The following CAMTA1 variants were observed in gnomAD, a reference collection of about 807,000 sequenced individuals.
CAMTA1 encodes the protein calmodulin-binding transcription activator 1.
In CAMTA1, 27 loss-of-function variants were observed where a neutral mutation model predicts 170.9. The observed-to-expected ratio is 0.16, with a 90% CI of 0.12 to 0.22. The LOEUF (loss-of-function observed/expected upper bound fraction) is 0.22, where lower values mean the gene tolerates loss of function less well. Ranked by LOEUF, CAMTA1 falls within the 10% of genes least tolerant of loss-of-function variation. The probability of loss-of-function intolerance (pLI) is 1.00; values close to 1 mark genes in which losing one functional copy is unlikely to be tolerated. For missense variants in CAMTA1, 1,619 were observed against 2,217.2 expected, an observed-to-expected ratio of 0.73 and a Z score of 5.42; for synonymous variants, 833 against 891.5, an observed-to-expected ratio of 0.93 and a Z score of 1.17.
At chr1:7,319,072 G>A (rs1418399953) in intron 5 of CAMTA1, among the ~76,000 whole-genome samples, 1 of 152,186 alleles carries the variant, frequency 6.6e-6, no homozygotes, top group African/African-American at 2.4e-5. Context: ...TGCCTTCATG[G>A]AGTCCTCAGT....
At chr1:7,353,710 C>T (rs1004920274) in intron 5 of CAMTA1, among the ~76,000 whole-genome samples, 25 of 152,166 alleles carry the variant, frequency 1.6e-4, no homozygotes, top group Non-Finnish European at 2.8e-4. Context: ...AGGTGTGAGC[C>T]ACCGTGCTGG....
intron 3 of CAMTA1, among the ~76,000 whole-genome samples, chr1:7,082,013 T>TTTC (rs1309149125): frequency 6.6e-6 from 1 of 152,210 alleles, no homozygotes; most frequent in Non-Finnish European, 1.5e-5. Flanking sequence ...TTGAAAACAT[T>TTTC]CAGCTTTGTT....
chr1:7,188,520 A>G (rs574102996), intron 4 of CAMTA1, among the ~76,000 whole-genome samples: 1 of 152,232 alleles, frequency 6.6e-6, no homozygotes, highest in Admixed American at 6.5e-5. Flanking sequence ...GTCTGTATGG[A>G]TTTGACTACT....
chr1:7,493,283 G>A lies in CAMTA1; in HGVS notation c.510+25382G>A, dbSNP rs1477641138. Among the ~76,000 whole-genome samples, 8 of 85,944 alleles carry A rather than the reference G, an allele frequency of 9.3e-5. No individual in the cohort carries two copies. In the South Asian group the frequency reaches 1.2e-3, roughly 13 times the overall value. 56.4% of individuals were successfully genotyped at this position (85,944 alleles called of 152,430 possible). On this transcript the variant is annotated intron_variant, in intron 6 of 22. Coordinates refer to ENST00000303635, the MANE Select transcript of CAMTA1 (RefSeq NM_015215.4). ...CGTACACACGCACACAAACATACACGCGCACAAACACAAACATACAAATGC... is the reference window on the plus strand; with the variant it reads ...CGTACACACGCACACAAACATACACACGCACAAACACAAACATACAAATGC...
chr1:7,206,401 A>G (rs1005411064), intron 4 of CAMTA1, among the ~76,000 whole-genome samples: 2 of 152,184 alleles, frequency 1.3e-5, no homozygotes, highest in Non-Finnish European at 2.9e-5. Flanking sequence ...ATTTATTCCT[A>G]AATAGTTTAT....
chr1:7,540,972 A>T (rs887580054), intron 6 of CAMTA1, among the ~76,000 whole-genome samples: 1 of 152,160 alleles, frequency 6.6e-6, no homozygotes, highest in Non-Finnish European at 1.5e-5. Flanking sequence ...GTTGCTTACA[A>T]CCTGCCCTGG....
rs138026092 is a variant in CAMTA1 at position 6,950,511 on chromosome 1, C to T, written c.234+125301C>T. On this transcript the variant is annotated intron_variant, in intron 3 of 22. Transcript: ENST00000303635. The stretch of plus-strand genomic sequence containing the variant: ...AGCCCCATAGCTCAGTGGATTAAAA[C>T]AGCAGAAGGCGTTTTCTCACTCCTG... Among the ~76,000 whole-genome samples the T allele has an allele frequency of 2.8e-3, 423 of 152,256 alleles. 1 individual carries two copies. The highest frequency in any genetic ancestry group is 0.017 in the Middle Eastern group (5 of 294).
chr1:7,703,368 G>C (rs574611301), intron 11 of CAMTA1, among the ~76,000 whole-genome samples: 1 of 152,308 alleles, frequency 6.6e-6, no homozygotes, highest in East Asian at 1.9e-4. Context: ...ATTGGAATAT[G>C]TACTGGGGCT....
At position 7,677,474 on chromosome 1, in the gene CAMTA1, A is replaced by C; in HGVS notation, c.2780-125A>C. The C allele has an allele frequency of 2.7e-6, 3 of 1,131,166 alleles. No individual in the cohort carries two copies. The African/African-American group carries it at 4.7e-5, about 18-fold the overall frequency. 70.1% of individuals were successfully genotyped at this position (1,131,166 alleles called of 1,614,324 possible). ...CTCGAATGAGCAGGCATAGGCTACC[A>C]TTAAGGAGAGCTGGACATTAACCAA... On this transcript the variant is annotated intron_variant, in intron 10 of 22. Coordinates refer to ENST00000303635, the MANE Select transcript of CAMTA1 (RefSeq NM_015215.4).
intron 3 of CAMTA1, among the ~76,000 whole-genome samples, chr1:6,967,828 G>A (rs530120470): frequency 6.6e-6 from 1 of 152,302 alleles, no homozygotes; most frequent in South Asian, 2.1e-4. Flanking sequence ...TTAGGGCAGG[G>A]GGTGAAGTCA....
intron 3 of CAMTA1, among the ~76,000 whole-genome samples, chr1:6,864,773 G>T (rs761176888): frequency 2.6e-5 from 4 of 152,088 alleles, no homozygotes; most frequent in Non-Finnish European, 5.9e-5. Context: ...ACTCTTGCTG[G>T]GTGTTTCTGG....
chr1:7,182,496 G>GA lies in CAMTA1; in HGVS notation c.303-66978dup, dbSNP rs1170643135. On this transcript the variant is annotated intron_variant, in intron 4 of 22. Transcript: ENST00000303635. ...GTGACAGAGTGAACACCCCATCTCAGAAAAAAAAAAAAAAAAACACTAGAA... is the reference window on the plus strand; with the variant it reads ...GTGACAGAGTGAACACCCCATCTCAGAAAAAAAAAAAAAAAAAACACTAGAA... Among the ~76,000 whole-genome samples, 584 of 98,420 alleles carry GA rather than the reference G, an allele frequency of 5.9e-3. 3 individuals are homozygous for GA. The highest frequency in any genetic ancestry group is 0.014 in the Middle Eastern group (2 of 146). The allele number at this position is 98,420 out of a possible 152,430, so 64.6% of individuals were successfully genotyped here. A position where few individuals can be genotyped will look rare whatever the true frequency, so the allele number is the denominator to read the frequency against.
chr1:7,089,543 C>T (rs977138337), intron 3 of CAMTA1, among the ~76,000 whole-genome samples: 7 of 87,098 alleles, frequency 8.0e-5, no homozygotes, highest in African/African-American at 3.0e-4. Flanking sequence ...CCCATCCCAT[C>T]CCATCCCATC....
At chr1:7,345,133 T>G (rs933711745) in intron 5 of CAMTA1, among the ~76,000 whole-genome samples, 2 of 152,208 alleles carry the variant, frequency 1.3e-5, no homozygotes, top group African/African-American at 2.4e-5. Context: ...TTGATAAGAA[T>G]CCTTCATCCC....
intron 4 of CAMTA1, among the ~76,000 whole-genome samples, chr1:7,142,542 TTG>T (rs1001341539): frequency 1.3e-5 from 2 of 152,206 alleles, no homozygotes; most frequent in Non-Finnish European, 2.9e-5. Flanking sequence ...TGGGAGATGT[TTG>T]TGTCACGGGG....
chr1:7,307,617 G>GT (rs893097932), intron 5 of CAMTA1, among the ~76,000 whole-genome samples: 2 of 151,768 alleles, frequency 1.3e-5, no homozygotes, highest in African/African-American at 2.4e-5. Flanking sequence ...ATATAATAAT[G>GT]TTTTTTCTTC....
intron 6 of CAMTA1, among the ~76,000 whole-genome samples, chr1:7,513,501 T>C (rs1575734331): frequency 6.6e-6 from 1 of 151,948 alleles, no homozygotes; most frequent in Non-Finnish European, 1.5e-5. Flanking sequence ...GAAGAGAGGG[T>C]CTGTCCCGGC....
At chr1:6,786,386 C>G (rs1340465115) in intron 1 of CAMTA1, among the ~76,000 whole-genome samples, 1 of 152,004 alleles carries the variant, frequency 6.6e-6, no homozygotes, top group African/African-American at 2.4e-5. Context: ...AGGATCTCCA[C>G]ACTCCCTTGC....
At chr1:7,341,427 A>G (rs1329755133) in intron 5 of CAMTA1, among the ~76,000 whole-genome samples, 2 of 152,248 alleles carry the variant, frequency 1.3e-5, no homozygotes, top group East Asian at 1.9e-4. Flanking sequence ...CATCCTGTCC[A>G]GTGAAACGAA....
Sources: gnomAD v4.1 joint callset for allele counts (sites outside exome capture counted in the v4.1 genomes callset) on GRCh38, gnomAD v4.1.1 for gene constraint, MANE v1.5 for transcripts, NCBI Gene and HGNC (gene_info 2026-07-23, HGNC 2026-07-21) for gene names.